Variants in DOCK5 observed in about 807,000 individuals in gnomAD.
DOCK5 encodes dedicator of cytokinesis 5.
In DOCK5, 142 loss-of-function variants were observed where a neutral mutation model predicts 251.8. The observed-to-expected ratio is 0.56, with a 90% CI of 0.49 to 0.65. The LOEUF is 0.65. DOCK5 is among the 30% of genes least tolerant of loss of function. The pLI is 0.00. For missense variants in DOCK5, 2,111 were observed against 2,312.3 expected (o/e 0.91, Z 1.79); for synonymous variants, 842 against 835.5 (o/e 1.01, Z -0.13).
intron 22 of DOCK5, among the ~76,000 whole-genome samples, chr8:25,336,585 G>A (rs1431516696): frequency 6.6e-6 from 1 of 152,196 alleles, no homozygotes; most frequent in African/African-American, 2.4e-5. Flanking sequence ...TTCTGGGGCA[G>A]TAATGACCTC....
At chr8:25,295,061 A>C (rs913935307) in intron 6 of DOCK5, among the ~76,000 whole-genome samples, 1 of 152,210 alleles carries the variant, frequency 6.6e-6, no homozygotes, top group African/African-American at 2.4e-5. Context: ...AAACCATATC[A>C]AGAGCTAACA....
intron 2 of DOCK5, among the ~76,000 whole-genome samples, chr8:25,251,907 T>C (rs1405045526): frequency 1.3e-5 from 2 of 151,874 alleles, no homozygotes; most frequent in African/African-American, 4.8e-5. Context: ...AAGAATCGCT[T>C]GAACCCGGGA....
intron 42 of DOCK5, 98 bp from the exon 43 acceptor site, chr8:25,391,798 C>A: frequency 9.5e-7 from 1 of 1,052,586 alleles, no homozygotes; most frequent in Non-Finnish European, 1.4e-6. Flanking sequence ...GTGGGTAAAA[C>A]TCAGACCAGG....
At chr8:25,258,066 T>C (rs1015081392) in intron 2 of DOCK5, among the ~76,000 whole-genome samples, 1 of 152,176 alleles carries the variant, frequency 6.6e-6, no homozygotes, top group Non-Finnish European at 1.5e-5. Context: ...TAGATGATGT[T>C]GTCCAGGCTA....
In DOCK5 at chr8:25,292,077, C is replaced by T. The variant is rs142717615; in HGVS notation, c.375C>T (p.Ile125=). 500 of 1,600,126 alleles carry T rather than the reference C, an allele frequency of 3.1e-4. 2 individuals are homozygous for T. In the African/African-American group the frequency reaches 5.4e-3, roughly 17 times the overall value. Reference sequence around the variant, plus strand: ...TGCAGCAGATGACGTACAGCCTGATCGAGTGGCGGTCCCAGATCCTGTCTG... The same window carrying T: ...TGCAGCAGATGACGTACAGCCTGATTGAGTGGCGGTCCCAGATCCTGTCTG... The part of the protein sequence containing the change: ...RQLQQMTYSL[I]EWRSQILSGT... The change falls in exon 6 of 52, where the codon ATC becomes ATT. Residue 125 remains isoleucine (I), a synonymous_variant. Coordinates refer to ENST00000276440, the MANE Select transcript of DOCK5 (RefSeq NM_024940.8).
At chr8:25,265,257 A>G (rs926185057) in intron 2 of DOCK5, among the ~76,000 whole-genome samples, 2 of 152,006 alleles carry the variant, frequency 1.3e-5, no homozygotes, top group Non-Finnish European at 2.9e-5. Context: ...AGTGTTTGTA[A>G]AAGTTCCTGG....
In DOCK5 at chr8:25,239,719, G is replaced by T. The variant is rs111564265; in HGVS notation, c.44-3955G>T. Among the ~76,000 whole-genome samples the T allele has an allele frequency of 9.9e-3, 1,509 of 152,246 alleles. 32 individuals are homozygous for T. The highest frequency in any genetic ancestry group is 0.035 in the African/African-American group (1,445 of 41,562). ...GCCCAGTTACCCATGAGAAAGTCTA[G>T]GAATTGGGAATTACTCCTACTTCTG... On this transcript the variant is annotated intron_variant, in intron 1 of 51. Coordinates refer to ENST00000276440, the MANE Select transcript of DOCK5 (RefSeq NM_024940.8).
At chr8:25,286,604 A>G (rs970656514) in intron 5 of DOCK5, among the ~76,000 whole-genome samples, 2 of 151,930 alleles carry the variant, frequency 1.3e-5, no homozygotes, top group Non-Finnish European at 2.9e-5. Flanking sequence ...TTATACATGG[A>G]ATGGTAGAAG....
At chr8:25,217,292 C>A (rs1211461281) in intron 1 of DOCK5, among the ~76,000 whole-genome samples, 1 of 151,066 alleles carries the variant, frequency 6.6e-6, no homozygotes, top group Admixed American at 6.6e-5. Flanking sequence ...TATATACACA[C>A]AATATCATAT....
Position 25,341,787 on chromosome 8 carries a change from G to T in DOCK5, c.2488G>T (p.Val830Leu). Reference sequence around the variant, plus strand: ...TAGCATAATTAATGATGTCAAACTTGTATTTGATCCTGTTGAGCTCAGGTA... The same window carrying T: ...TAGCATAATTAATGATGTCAAACTTTTATTTGATCCTGTTGAGCTCAGGTA... Reference protein sequence around the residue: ...LPSIINDVKLVFDPVELSVLF... With the variant: ...LPSIINDVKLLFDPVELSVLF... The change falls in exon 24 of 52, where the codon GTA (valine) becomes TTA (leucine). Residue 830 changes from valine (V) to leucine (L), a missense_variant. By Grantham distance (32) the Val-to-Leu change is conservative (BLOSUM62 1). Around this residue, in one of 3 missense-constraint regions of DOCK5, gnomAD observed 1,717 missense variants for 1,892.4 expected, o/e 0.91. Coordinates refer to ENST00000276440, the MANE Select transcript of DOCK5 (RefSeq NM_024940.8). 1 of 1,573,422 alleles carries T rather than the reference G, an allele frequency of 6.4e-7. No individual in the cohort carries two copies. The highest frequency in any genetic ancestry group is 2.3e-5 in the East Asian group (1 of 43,538).
At chr8:25,283,150 T>C (rs936436331) in intron 5 of DOCK5, among the ~76,000 whole-genome samples, 6 of 151,762 alleles carry the variant, frequency 4.0e-5, no homozygotes, top group Non-Finnish European at 7.4e-5. Flanking sequence ...GGGAGGGGAG[T>C]ATGTACACAG....
chr8:25,212,030 G>A lies in DOCK5; in HGVS notation c.43+27079G>A, dbSNP rs1321979431. On this transcript the variant is annotated intron_variant, in intron 1 of 51. Coordinates refer to ENST00000276440, the MANE Select transcript of DOCK5 (RefSeq NM_024940.8). ...AAAAAAATTAGCCAGGCATGGTGGC[G>A]GGCACCTGTAGTTCCAGCTACTCTG... Among the ~76,000 whole-genome samples, 11 of 66,814 alleles carry A rather than the reference G, an allele frequency of 1.6e-4. 5 individuals are homozygous for A. In the East Asian group the frequency reaches 2.3e-3, roughly 14 times the overall value. 43.8% of individuals were successfully genotyped at this position (66,814 alleles called of 152,430 possible).
At chr8:25,356,188 G>A (rs1356877708) in intron 27 of DOCK5, among the ~76,000 whole-genome samples, 1 of 152,084 alleles carries the variant, frequency 6.6e-6, no homozygotes, top group Non-Finnish European at 1.5e-5. Flanking sequence ...GACAGAGCGA[G>A]ACTCCGTCTC....
At chr8:25,302,958 A>T (rs1327844736) in intron 10 of DOCK5, among the ~76,000 whole-genome samples, 1 of 152,128 alleles carries the variant, frequency 6.6e-6, no homozygotes, top group Admixed American at 6.6e-5. Context: ...TCCATTTGGG[A>T]AGATGAGAAA....
chr8:25,374,030 A>G (rs1371358284), intron 36 of DOCK5, among the ~76,000 whole-genome samples: 4 of 152,160 alleles, frequency 2.6e-5, no homozygotes, highest in Non-Finnish European at 5.9e-5. Flanking sequence ...TGTTGGGGAG[A>G]GATTCCATAG....
intron 28 of DOCK5, among the ~76,000 whole-genome samples, chr8:25,360,099 T>C (rs1266748416): frequency 1.3e-5 from 2 of 152,198 alleles, no homozygotes; most frequent in African/African-American, 4.8e-5. Flanking sequence ...TCCAGTCTCT[T>C]TGTTCTAGAT....
Position 25,278,680 on chromosome 8 carries a change from G to A in DOCK5, c.321+15G>A. On this transcript the variant is annotated intron_variant, in intron 5 of 51. Transcript: ENST00000276440. ...AGCTCTACGTGGTGAGTTTCCCCTT[G>A]TGGCTTGGAGCCCCAGGGTCACTCT... is the stretch of plus-strand genomic sequence containing the variant. 8 of 1,612,572 alleles carry A rather than the reference G, an allele frequency of 5.0e-6. No homozygotes were observed. The highest frequency in any genetic ancestry group is 5.9e-6 in the Non-Finnish European group (7 of 1,179,286).
At chr8:25,304,393 C>A (rs899104085) in intron 11 of DOCK5, 66 bp downstream of exon 11, 4 of 1,389,424 alleles carry the variant, frequency 2.9e-6, no homozygotes, top group Non-Finnish European at 2.9e-6. Context: ...TGTCTTTTAA[C>A]ACAGAAACAG....
intron 28 of DOCK5, among the ~76,000 whole-genome samples, chr8:25,360,169 C>T (rs1369199774): frequency 6.6e-6 from 1 of 152,364 alleles, no homozygotes; most frequent in South Asian, 2.1e-4. Flanking sequence ...GGATTCGCAG[C>T]TCCTTCCTTG....
Sources: allele counts gnomAD v4.1 joint callset (sites outside exome capture counted in the v4.1 genomes callset), GRCh38; gene constraint gnomAD v4.1.1; regional missense constraint gnomAD v4.1.1; transcripts MANE v1.5; gene names NCBI Gene and HGNC (gene_info 2026-07-23, HGNC 2026-07-21).